Variants in AKAP6 observed in about 807,000 individuals in gnomAD.
The protein encoded by AKAP6 is A-kinase anchor protein 6.
Under a neutral mutation model 188.5 loss-of-function variants are expected in AKAP6, and 58 were observed. The ratio of observed to expected loss-of-function variants is 0.31; its 90% CI spans 0.25 to 0.38. The LOEUF (loss-of-function observed/expected upper bound fraction) is 0.38. AKAP6 is among the 10% of genes least tolerant of loss of function. AKAP6 has a pLI of 1.00. For synonymous variants in AKAP6, 989 were observed against 998.6 expected, an observed-to-expected ratio of 0.99 and a Z score of 0.18; for missense variants, 2,710 against 2,740.0, an observed-to-expected ratio of 0.99 and a Z score of 0.24.
At chr14:32,517,589 G>A (rs932283453) in intron 2 of AKAP6, among the ~76,000 whole-genome samples, 4 of 152,160 alleles carry the variant, frequency 2.6e-5, no homozygotes, top group East Asian at 3.9e-4. Flanking sequence ...ACGGAGCCTC[G>A]CTCACTGCTA....
At chr14:32,655,456 G>T (rs542669450) in intron 7 of AKAP6, among the ~76,000 whole-genome samples, 8 of 152,254 alleles carry the variant, frequency 5.3e-5, no homozygotes, top group Admixed American at 3.9e-4. Flanking sequence ...GTCAGGCAGG[G>T]TCCTAAATAT....
chr14:32,682,509 T>C (rs1337348557), intron 8 of AKAP6, among the ~76,000 whole-genome samples: 1 of 152,094 alleles, frequency 6.6e-6, no homozygotes, highest in Non-Finnish European at 1.5e-5. Context: ...ATAAAACTGA[T>C]CTGGGGCTAA....
chr14:32,456,381 C>CA (rs1891147635), intron 2 of AKAP6, among the ~76,000 whole-genome samples: 1 of 151,740 alleles, frequency 6.6e-6, no homozygotes, highest in African/African-American at 2.4e-5. Context: ...ATTTTGACTT[C>CA]AAAAAAACCA....
intron 12 of AKAP6, among the ~76,000 whole-genome samples, chr14:32,802,860 C>T (rs1007594698): frequency 5.9e-5 from 9 of 151,954 alleles, no homozygotes; most frequent in South Asian, 2.1e-4. Flanking sequence ...CACTTTGGGA[C>T]GCCAAGATGG....
At chr14:32,509,608 G>T (rs1207607608) in intron 2 of AKAP6, among the ~76,000 whole-genome samples, 1 of 151,990 alleles carries the variant, frequency 6.6e-6, no homozygotes, top group African/African-American at 2.4e-5. Context: ...AATTCTCCTT[G>T]ACCATACATT....
intron 9 of AKAP6, among the ~76,000 whole-genome samples, chr14:32,719,025 T>A (rs1162657961): frequency 6.6e-6 from 1 of 152,180 alleles, no homozygotes; most frequent in African/African-American, 2.4e-5. Flanking sequence ...ACCAGAGATA[T>A]TCTTAAAAAG....
In AKAP6 at chr14:32,737,348, GTTTGGTATATGATTAATCCAGTGT is replaced by G. The variant is rs1594895907; in HGVS notation, c.3372+1468_3372+1491del. On this transcript the variant is annotated intron_variant, in intron 11 of 13. Transcript: ENST00000280979. Reference sequence around the variant, plus strand: ...TAATTCTGAGCTATTTACTCTTAGTGTTTGGTATATGATTAATCCAGTGTTCTGTGTATTACCACATTCACTGGA... The same window carrying G: ...TAATTCTGAGCTATTTACTCTTAGTGTCTGTGTATTACCACATTCACTGGA... Among the ~76,000 whole-genome samples, 3 of 152,108 alleles carry G rather than the reference GTTTGGTATATGATTAATCCAGTGT, an allele frequency of 2.0e-5. No individual in the cohort carries two copies. In the East Asian group the frequency reaches 5.8e-4, roughly 29 times the overall value.
chr14:32,564,281 A>T (rs1048678139), intron 4 of AKAP6, among the ~76,000 whole-genome samples: 38 of 152,202 alleles, frequency 2.5e-4, no homozygotes, highest in Admixed American at 2.5e-3. Flanking sequence ...GAACCCACAG[A>T]TATGGAGGGC....
intron 7 of AKAP6, among the ~76,000 whole-genome samples, chr14:32,656,948 A>G (rs1269120947): frequency 6.6e-6 from 1 of 152,216 alleles, no homozygotes; most frequent in Non-Finnish European, 1.5e-5. Context: ...TTAGCAGAGC[A>G]TAAATAGTAC....
At chr14:32,389,937 T>C (rs1888656637) in intron 1 of AKAP6, among the ~76,000 whole-genome samples, 1 of 152,172 alleles carries the variant, frequency 6.6e-6, no homozygotes, top group Non-Finnish European at 1.5e-5. Flanking sequence ...CCCCCAGATA[T>C]GTTTTCCAAA....
chr14:32,704,034 A>G (rs548402115), intron 9 of AKAP6, among the ~76,000 whole-genome samples: 16 of 152,324 alleles, frequency 1.1e-4, no homozygotes, highest in African/African-American at 3.8e-4. Context: ...TTGCCAGCCA[A>G]GAGAGGTAGA....
intron 12 of AKAP6, among the ~76,000 whole-genome samples, chr14:32,795,921 G>A (rs1490269226): frequency 2.0e-5 from 3 of 152,162 alleles, no homozygotes; most frequent in African/African-American, 4.8e-5. Context: ...AAACTGATAA[G>A]CAATTTCAGC....
intron 9 of AKAP6, among the ~76,000 whole-genome samples, chr14:32,696,800 A>G (rs73266908): frequency 0.014 from 2,130 of 152,232 alleles, 52 homozygotes; most frequent in African/African-American, 0.049. Flanking sequence ...TGCCTAAAAA[A>G]AAAAAAAATG....
intron 5 of AKAP6, among the ~76,000 whole-genome samples, chr14:32,599,048 A>T (rs1040125631): frequency 6.6e-6 from 1 of 152,170 alleles, no homozygotes; most frequent in Non-Finnish European, 1.5e-5. Context: ...TGGTTTCATA[A>T]ATAGTGCTAT....
intron 2 of AKAP6, among the ~76,000 whole-genome samples, chr14:32,469,680 T>TTG (rs1429628546): frequency 6.6e-6 from 1 of 150,446 alleles, no homozygotes; most frequent in African/African-American, 2.5e-5. Flanking sequence ...AATGTCTTTT[T>TTG]TTTTTTGAGA....
intron 1 of AKAP6, among the ~76,000 whole-genome samples, chr14:32,419,624 A>G (rs1427795461): frequency 6.6e-6 from 1 of 152,108 alleles, no homozygotes; most frequent in Non-Finnish European, 1.5e-5. Flanking sequence ...TACTGAAATA[A>G]CCTTACTTTC....
At chr14:32,654,825 G>A (rs1423941671) in intron 7 of AKAP6, among the ~76,000 whole-genome samples, 5 of 150,130 alleles carry the variant, frequency 3.3e-5, no homozygotes, top group African/African-American at 1.2e-4. Context: ...CTCCAGTCTG[G>A]GTGACAGGGC....
At chr14:32,331,297 T>C (rs1035613799) in intron 1 of AKAP6, among the ~76,000 whole-genome samples, 1 of 152,044 alleles carries the variant, frequency 6.6e-6, no homozygotes, top group African/African-American at 2.4e-5. Flanking sequence ...TCATCATGGT[T>C]GATTTGTTCA....
intron 4 of AKAP6, among the ~76,000 whole-genome samples, chr14:32,566,775 T>C (rs1446446917): frequency 6.6e-6 from 1 of 152,232 alleles, no homozygotes; most frequent in Non-Finnish European, 1.5e-5. Flanking sequence ...TCTAGTTCTG[T>C]ACTTTTTTTT....
Sources: gnomAD v4.1 joint callset for allele counts (sites outside exome capture counted in the v4.1 genomes callset) on GRCh38, gnomAD v4.1.1 for gene constraint, MANE v1.5 for transcripts, NCBI Gene and HGNC (gene_info 2026-07-23, HGNC 2026-07-21) for gene names.